Variants in MAP6D1 observed in about 807,000 individuals in gnomAD.
MAP6D1 encodes MAP6 domain-containing protein 1.
A neutral mutation model predicts 17.4 loss-of-function variants in MAP6D1; 13 were observed. That is an observed-to-expected ratio of 0.75 (90% CI 0.49 to 1.19). The LOEUF (loss-of-function observed/expected upper bound fraction) is 1.19. Among genes scored for constraint, MAP6D1 ranks in the 50% most tolerant of loss-of-function variants. The probability of loss-of-function intolerance (pLI) is 0.00; values close to 1 mark genes in which losing one functional copy is unlikely to be tolerated. For synonymous variants in MAP6D1, 141 were observed against 145.7 expected, an observed-to-expected ratio of 0.97 and a Z score of 0.23; for missense variants, 313 against 312.6, an observed-to-expected ratio of 1.00 and a Z score of -0.01.
rs758573110 is a variant in MAP6D1, at chr3:183,817,980, A to G, written c.519+14T>C. 1.2e-6 allele frequency: 2 copies of G among 1,602,116 alleles called. No individual in the cohort carries two copies. The highest frequency in any genetic ancestry group is 1.7e-5 in the Admixed American group (1 of 59,982). The stretch of plus-strand genomic sequence containing the variant: ...TCTATACCCACACCCCTGCTACACC[A>G]GCTTCCGGCTGACCTGGAAGCCGGC... On this transcript the variant is annotated intron_variant, in intron 2 of 2. Coordinates refer to ENST00000318631, the MANE Select transcript of MAP6D1 (RefSeq NM_024871.4).
rs961100991 is a variant in MAP6D1, at chr3:183,825,417, C to T, written c.131G>A (p.Gly44Asp). ...SDLDSEEPGT[G>D]GAASRRGQPP... ...CTGGCCCCTGCGCGAGGCGGCGCCGCCCGTGCCCGGCTCCTCGCTGTCGAG... is the reference window on the plus strand; with the variant it reads ...CTGGCCCCTGCGCGAGGCGGCGCCGTCCGTGCCCGGCTCCTCGCTGTCGAG... Residue 44 changes from glycine (G) to aspartate (D), a missense_variant, in exon 1 of 3, where the codon GGC becomes GAC. Physicochemically the swap from Gly to Asp is moderately conservative, Grantham distance 94. Coordinates refer to ENST00000318631, the MANE Select transcript of MAP6D1 (RefSeq NM_024871.4). The T allele has an allele frequency of 1.9e-4, 277 of 1,440,064 alleles. No homozygotes were observed. Among genetic ancestry groups the T allele is most frequent in the Non-Finnish European group, 2.3e-4 (251 of 1,102,092 alleles). The allele number at this position is 1,440,064 out of a possible 1,614,324, so 89.2% of individuals were successfully genotyped here.
intron 2 of MAP6D1, 34 bp downstream of exon 2, chr3:183,817,960 A>G (rs761302970): frequency 6.5e-7 from 1 of 1,533,622 alleles, no homozygotes; most frequent in South Asian, 1.1e-5. Flanking sequence ...AGGCCTCTAT[A>G]CCCACACCCC....
chr3:183,821,875 G>T (rs1176650155), intron 1 of MAP6D1, among the ~76,000 whole-genome samples: 7 of 151,962 alleles, frequency 4.6e-5, no homozygotes, highest in African/African-American at 1.7e-4. Flanking sequence ...TGTTGGCCAG[G>T]ATGGTCTTGA....
In MAP6D1 at chr3:183,817,445, T is replaced by C. The variant is rs1203298060; in HGVS notation, c.520-9A>G. 6.4e-7 allele frequency: 1 copy of C among 1,558,072 alleles called. No homozygotes were observed. Among genetic ancestry groups the C allele is most frequent in the Admixed American group, 1.9e-5 (1 of 51,450 alleles). On this transcript the variant is annotated splice_polypyrimidine_tract_variant and intron_variant, in intron 2 of 2. Coordinates refer to ENST00000318631, the MANE Select transcript of MAP6D1 (RefSeq NM_024871.4). ...TTCCTCACCTCTGGGACCTGAAAAA[T>C]GAAGTGTGGCCACATATCAGTGGGA...
chr3:183,821,051 C>T (rs1335056216), intron 1 of MAP6D1, among the ~76,000 whole-genome samples: 144 of 151,228 alleles, frequency 9.5e-4, no homozygotes, highest in Admixed American at 9.2e-4. Flanking sequence ...GCCGAGATGG[C>T]GCCACTGCAC....
chr3:183,819,687 G>A (rs915396981), intron 1 of MAP6D1, among the ~76,000 whole-genome samples: 1 of 152,244 alleles, frequency 6.6e-6, no homozygotes, highest in Non-Finnish European at 1.5e-5. Flanking sequence ...GCTCAAGCAT[G>A]TTCCGGCATC....
intron 2 of MAP6D1, 26 bp from the exon 3 acceptor site, chr3:183,817,462 T>C: frequency 6.5e-7 from 1 of 1,546,360 alleles, no homozygotes; most frequent in Non-Finnish European, 8.8e-7. Context: ...TGGCCACATA[T>C]CAGTGGGACT....
chr3:183,817,289 G>T lies in MAP6D1; in HGVS notation c.*67C>A. 6.8e-7 allele frequency: 1 copy of T among 1,472,488 alleles called. No individual in the cohort carries two copies. The highest frequency in any genetic ancestry group is 1.2e-5 in the South Asian group (1 of 82,494). The allele number at this position is 1,472,488 out of a possible 1,614,324, so 91.2% of individuals were successfully genotyped here. ...TGCCATGCTCTCGCCCAGCCCCGCG[G>T]CAGTGGGTCCTGAGGCCGCTCCCCA... is the stretch of plus-strand genomic sequence containing the variant. On this transcript the variant is annotated 3_prime_UTR_variant, in exon 3 of 3. Coordinates refer to ENST00000318631, the MANE Select transcript of MAP6D1 (RefSeq NM_024871.4).
At position 183,825,548 on chromosome 3, in the gene MAP6D1, G is replaced by A. The variant is rs1472405212; in HGVS notation, c.-1C>T. 7 of 1,221,214 alleles carry A rather than the reference G, an allele frequency of 5.7e-6. No individual in the cohort carries two copies. The Admixed American group carries it at 1.3e-4, about 23-fold the overall frequency. 75.6% of individuals were successfully genotyped at this position (1,221,214 alleles called of 1,614,324 possible). A position where few individuals can be genotyped will look rare whatever the true frequency, so the allele number is the denominator to read the frequency against. ...GGCGGCTGATACAGGGCCACGCCAT[G>A]CCAGCCCCGGCGCCCGCCGCCCCGC... On this transcript the variant is annotated 5_prime_UTR_variant, in exon 1 of 3. Coordinates refer to ENST00000318631, the MANE Select transcript of MAP6D1 (RefSeq NM_024871.4).
In MAP6D1 at chr3:183,816,316, T is replaced by A. The variant is rs1378184430; in HGVS notation, c.*1040A>T. On this transcript the variant is annotated 3_prime_UTR_variant, in exon 3 of 3. Transcript: ENST00000318631. ...AAGATCCAAAGGGAAATCCACAAAT[T>A]TCCTTACTGAAGACTGTCCTGAGCT... The A allele has an allele frequency of 6.6e-6, 1 of 152,216 alleles. No individual in the cohort carries two copies. Among genetic ancestry groups the A allele is most frequent in the Non-Finnish European group, 1.5e-5 (1 of 68,042 alleles). 9.4% of individuals were successfully genotyped at this position (152,216 alleles called of 1,614,324 possible). A position where few individuals can be genotyped will look rare whatever the true frequency, so the allele number is the denominator to read the frequency against.
Position 183,825,126 on chromosome 3 carries a change from C to G in MAP6D1, c.401+21G>C, listed in dbSNP as rs933789358. The G allele has an allele frequency of 1.5e-5, 20 of 1,374,162 alleles. No homozygotes were observed. The African/African-American group carries it at 2.7e-4, about 19-fold the overall frequency. 85.1% of individuals were successfully genotyped at this position (1,374,162 alleles called of 1,614,324 possible). A position where few individuals can be genotyped will look rare whatever the true frequency, so the allele number is the denominator to read the frequency against. ...CCCACCACAGGGTGGGGACTCGTTGCGGTCCCTACCCAGCCCATACCTGTA... is the reference window on the plus strand; with the variant it reads ...CCCACCACAGGGTGGGGACTCGTTGGGGTCCCTACCCAGCCCATACCTGTA... On this transcript the variant is annotated intron_variant, in intron 1 of 2. Transcript: ENST00000318631.
At chr3:183,817,500 T>A in intron 2 of MAP6D1, 64 bp from the exon 3 acceptor site, 4 of 1,401,812 alleles carry the variant, frequency 2.9e-6, no homozygotes, top group Non-Finnish European at 3.9e-6. Flanking sequence ...TCTTCCCCAC[T>A]ACCCAGCTCC....
At position 183,825,456 on chromosome 3, in the gene MAP6D1, T is replaced by G. The variant is rs1414997547; in HGVS notation, c.92A>C (p.His31Pro). ...CTCGCTGTCGAGGTCCGAGTAGCCG[T>G]GCAGAGTGAGCGGCACCGCCACGTC... ...RSDVAVPLTL[H>P]GYSDLDSEEP... The change falls in exon 1 of 3, where the codon CAC becomes CCC. Residue 31 changes from histidine (H) to proline (P), a missense_variant. By Grantham distance (77) the His-to-Pro change is moderately conservative (BLOSUM62 -2). Transcript: ENST00000318631. The G allele has an allele frequency of 2.1e-6, 3 of 1,435,928 alleles. No homozygotes were observed. The highest frequency in any genetic ancestry group is 2.7e-6 in the Non-Finnish European group (3 of 1,099,978). The allele number at this position is 1,435,928 out of a possible 1,614,324, so 88.9% of individuals were successfully genotyped here.
intron 1 of MAP6D1, among the ~76,000 whole-genome samples, chr3:183,823,983 T>C (rs1280773395): frequency 6.6e-6 from 1 of 152,246 alleles, no homozygotes; most frequent in Non-Finnish European, 1.5e-5. Context: ...TGTATATTAA[T>C]ACCCCTTTTT....
Position 183,817,319 on chromosome 3 carries a change from T to G in MAP6D1, c.*37A>C. On this transcript the variant is annotated 3_prime_UTR_variant, in exon 3 of 3. Transcript: ENST00000318631. ...GGGTCCTGAGGCCGCTCCCCAGCCC[T>G]GTCCTGTCGGCAGCCATGGTGTCAC... 6 of 1,545,904 alleles carry G rather than the reference T, an allele frequency of 3.9e-6. No individual in the cohort carries two copies. The highest frequency in any genetic ancestry group is 5.2e-6 in the Non-Finnish European group (6 of 1,143,408).
chr3:183,822,758 T>TA (rs1260893516), intron 1 of MAP6D1, among the ~76,000 whole-genome samples: 3 of 152,230 alleles, frequency 2.0e-5, no homozygotes, highest in African/African-American at 7.2e-5. Flanking sequence ...GGCCCTAGAC[T>TA]AGCCAGCTGG....
At chr3:183,820,758 T>C (rs1202846029) in intron 1 of MAP6D1, among the ~76,000 whole-genome samples, 1 of 151,630 alleles carries the variant, frequency 6.6e-6, no homozygotes, top group Non-Finnish European at 1.5e-5. Context: ...TACATAAAAA[T>C]TAGCCAGGCA....
chr3:183,821,947 C>T (rs573701811), intron 1 of MAP6D1, among the ~76,000 whole-genome samples: 100 of 152,182 alleles, frequency 6.6e-4, no homozygotes, highest in African/African-American at 2.3e-3. Flanking sequence ...AGGTGTGAGC[C>T]ACTGCGACCG....
intron 1 of MAP6D1, among the ~76,000 whole-genome samples, chr3:183,824,109 C>T (rs1352105989): frequency 1.3e-5 from 2 of 152,220 alleles, no homozygotes; most frequent in Admixed American, 6.5e-5. Flanking sequence ...AACCAGTTCC[C>T]TACATCAGCA....
Sources: allele counts gnomAD v4.1 joint callset (sites outside exome capture counted in the v4.1 genomes callset), GRCh38; gene constraint gnomAD v4.1.1; transcripts MANE v1.5; gene names NCBI Gene and HGNC (gene_info 2026-07-23, HGNC 2026-07-21).